The following KIAA0586 variants were observed in gnomAD, a reference collection of about 807,000 sequenced individuals.
KIAA0586 encodes protein TALPID3.
In KIAA0586, 144 loss-of-function variants were observed where a neutral mutation model predicts 169.8. The observed-to-expected ratio is 0.85, with a 90% CI of 0.74 to 0.97. The LOEUF is 0.97. Ranked by LOEUF, KIAA0586 falls within the 50% of genes least tolerant of loss-of-function variation. The pLI is 0.00. For synonymous variants in KIAA0586, 625 were observed against 612.4 expected, an observed-to-expected ratio of 1.02 and a Z score of -0.30; for missense variants, 1,854 against 1,823.0, an observed-to-expected ratio of 1.02 and a Z score of -0.31.
In KIAA0586 at chr14:58,467,789, A is replaced by G. The variant is rs763061693; in HGVS notation, c.2309A>G (p.Lys770Arg). ...CCACCTGCTGGAGTGATTGTCAGCA[A>G]GCCACACCCTGTAACTGTGACTACT... Reference protein sequence around the residue: ...TMPPAGVIVSKPHPVTVTTSI... With the variant: ...TMPPAGVIVSRPHPVTVTTSI... Residue 770 changes from lysine (K) to arginine (R), a missense_variant, in exon 16 of 31, where the codon AAG becomes AGG. Physicochemically the swap from Lys to Arg is conservative, Grantham distance 26. Coordinates refer to ENST00000652326, the MANE Select transcript of KIAA0586 (RefSeq NM_001329943.3). 1 of 1,613,900 alleles carries G rather than the reference A, an allele frequency of 6.2e-7. No homozygotes were observed. Among genetic ancestry groups the G allele is most frequent in the Non-Finnish European group, 8.5e-7 (1 of 1,179,820 alleles).
chr14:58,490,311 C>G (rs1595355194), intron 25 of KIAA0586, 71 bp downstream of exon 25: 1 of 821,014 alleles, frequency 1.2e-6, no homozygotes. Flanking sequence ...TGCCACTGAT[C>G]AGGTTTTTTC....
downstream of KIAA0586, among the ~76,000 whole-genome samples, chr14:58,553,741 G>A (rs1369694858): frequency 2.0e-5 from 3 of 152,084 alleles, no homozygotes; most frequent in African/African-American, 7.2e-5. Flanking sequence ...GTAACTGTGG[G>A]TCAATTGTAG....
At chr14:58,431,785 C>T (rs1021808437) in intron 3 of KIAA0586, among the ~76,000 whole-genome samples, 3 of 151,892 alleles carry the variant, frequency 2.0e-5, no homozygotes, top group Non-Finnish European at 4.4e-5. Flanking sequence ...GATCTTTCAC[C>T]TTCTTGATTA....
intron 27 of KIAA0586, among the ~76,000 whole-genome samples, chr14:58,507,769 C>CATTTATTTATTT (rs34225443): frequency 9.8e-4 from 147 of 149,654 alleles, no homozygotes; most frequent in African/African-American, 3.5e-3. Context: ...ACTGAGGTGC[C>CATTTATTTATTT]ATTTATTTAT....
At chr14:58,427,441 C>A, upstream of KIAA0586, 2 of 692,366 alleles carry the variant, frequency 2.9e-6, no homozygotes, top group Non-Finnish European at 4.8e-6. Context: ...TGTCAACAGT[C>A]CCTGGTAAAC....
rs1016441714 is a variant in KIAA0586, at chr14:58,456,643, A to G, written c.1254-59A>G. On this transcript the variant is annotated intron_variant, in intron 9 of 30. Coordinates refer to ENST00000652326, the MANE Select transcript of KIAA0586 (RefSeq NM_001329943.3). ...TAATGAAATGTTTACTGAATTTACAACAATTTAGGAAACTTTTTCAAAAAT... is the reference window on the plus strand; with the variant it reads ...TAATGAAATGTTTACTGAATTTACAGCAATTTAGGAAACTTTTTCAAAAAT... 4 of 887,776 alleles carry G rather than the reference A, an allele frequency of 4.5e-6. No individual in the cohort carries two copies. In the Admixed American group the frequency reaches 9.4e-5, roughly 21 times the overall value. The allele number at this position is 887,776 out of a possible 1,614,324, so 55.0% of individuals were successfully genotyped here.
intron 1 of KIAA0586, 55 bp downstream of exon 1, chr14:58,428,518 C>T (rs1649900970): frequency 7.6e-7 from 1 of 1,310,870 alleles, no homozygotes; most frequent in African/African-American, 1.5e-5. Context: ...ATCTTTAGTC[C>T]TTATTTGTTT....
the KIAA0586 span, among the ~76,000 whole-genome samples, chr14:58,559,115 G>T: frequency 6.6e-6 from 1 of 152,188 alleles, no homozygotes; most frequent in African/African-American, 2.4e-5. Flanking sequence ...CCAGTATCAG[G>T]GAACTGTTGA....
intron 8 of KIAA0586, among the ~76,000 whole-genome samples, chr14:58,451,296 G>A (rs1244560998): frequency 6.6e-6 from 1 of 152,068 alleles, no homozygotes; most frequent in Non-Finnish European, 1.5e-5. Flanking sequence ...CGTGATCATG[G>A]CTCACTGCAG....
chr14:58,505,022 T>TA (rs2043834684), intron 27 of KIAA0586, among the ~76,000 whole-genome samples: 1 of 152,186 alleles, frequency 6.6e-6, no homozygotes. Flanking sequence ...TGAAAGCTAT[T>TA]ACGCACTTTT....
intron 27 of KIAA0586, 148 bp from the exon 28 acceptor site, chr14:58,508,407 G>A (rs2044151540): frequency 6.7e-6 from 4 of 596,180 alleles, no homozygotes; most frequent in African/African-American, 5.7e-5. Context: ...TGCAGTGAAG[G>A]CTTGGTCCAG....
chr14:58,556,827 C>G, the KIAA0586 span, among the ~76,000 whole-genome samples: 45 of 152,314 alleles, frequency 3.0e-4, no homozygotes, highest in African/African-American at 9.6e-4. Flanking sequence ...CTCACTGCAA[C>G]CTCCACCTCC....
chr14:58,489,371 C>T (rs968934561), intron 24 of KIAA0586, among the ~76,000 whole-genome samples: 2 of 151,946 alleles, frequency 1.3e-5, no homozygotes, highest in African/African-American at 2.4e-5. Flanking sequence ...AGGCATGTGC[C>T]ACCACGCCCG....
rs536622481 is a variant in KIAA0586, at chr14:58,520,751, C to T, written c.4429+8124C>T. ...CTGTTGTCCAAGCTGGTCTTGAACT[C>T]CTGGGTTCAAGCAGTCTGCCCACCT... On this transcript the variant is annotated intron_variant, in intron 29 of 30. Coordinates refer to ENST00000652326, the MANE Select transcript of KIAA0586 (RefSeq NM_001329943.3). Among the ~76,000 whole-genome samples the T allele has an allele frequency of 7.9e-5, 12 of 152,176 alleles. No homozygotes were observed. In the South Asian group the frequency reaches 2.5e-3, roughly 32 times the overall value.
At chr14:58,503,810 CAAA>C (rs61688010) in intron 27 of KIAA0586, among the ~76,000 whole-genome samples, 6 of 60,574 alleles carry the variant, frequency 9.9e-5, no homozygotes, top group East Asian at 4.6e-4. Context: ...GGGACAAAGG[CAAA>C]AAAAAAAAAA....
intron 23 of KIAA0586, 50 bp from the exon 24 acceptor site, chr14:58,488,571 A>G: frequency 6.3e-7 from 1 of 1,586,880 alleles, no homozygotes; most frequent in Non-Finnish European, 8.6e-7. Context: ...CAAAATGAAT[A>G]CAGGCCTTCA....
intron 29 of KIAA0586, among the ~76,000 whole-genome samples, chr14:58,531,809 T>A (rs2045985958): frequency 2.6e-5 from 4 of 152,064 alleles, no homozygotes; most frequent in Admixed American, 2.6e-4. Flanking sequence ...ATTGACTGGA[T>A]AAAGAAAATG....
In KIAA0586 at chr14:58,519,410, GT is replaced by G. The variant is rs766391334; in HGVS notation, c.4429+6787del. ...TGTGCCATCATGCCTGACTCAGGTA[GT>G]TTTATTCCTGTTTTACAAGAGAGAA... On this transcript the variant is annotated intron_variant, in intron 29 of 30. Coordinates refer to ENST00000652326, the MANE Select transcript of KIAA0586 (RefSeq NM_001329943.3). Among the ~76,000 whole-genome samples the G allele has an allele frequency of 2.6e-5, 4 of 152,222 alleles. 1 individual carries two copies.
chr14:58,428,292 A>C lies in KIAA0586; in HGVS notation c.28A>C (p.Lys10Gln). The change falls in exon 1 of 31, where the codon AAG (lysine) becomes CAG (glutamine). Residue 10 changes from lysine to glutamine, a missense_variant. Physicochemically the swap from Lys to Gln is moderately conservative, Grantham distance 53 (BLOSUM62 1). Coordinates refer to ENST00000652326, the MANE Select transcript of KIAA0586 (RefSeq NM_001329943.3). ...GAAAGGCTCTGAGGTCAGCTTGGAGAAGAAAAAAAAGATTAAGATGCCAGT... is the reference window on the plus strand; with the variant it reads ...GAAAGGCTCTGAGGTCAGCTTGGAGCAGAAAAAAAAGATTAAGATGCCAGT... MKGSEVSLE[K>Q]KKKIKMPVKR... The C allele has an allele frequency of 1.2e-6, 2 of 1,613,828 alleles. No individual in the cohort carries two copies. Among genetic ancestry groups the C allele is most frequent in the Non-Finnish European group, 1.7e-6 (2 of 1,179,814 alleles).
Sources: allele counts gnomAD v4.1 joint callset (sites outside exome capture counted in the v4.1 genomes callset), GRCh38; gene constraint gnomAD v4.1.1; transcripts MANE v1.5; gene names NCBI Gene and HGNC (gene_info 2026-07-23, HGNC 2026-07-21).